Variants in SIPA1L2 observed in about 807,000 individuals in gnomAD.
SIPA1L2 encodes signal-induced proliferation-associated 1-like protein 2.
SIPA1L2 carries 56 observed loss-of-function variants against 163.9 expected under a neutral mutation model. That is an observed-to-expected ratio of 0.34 (90% confidence interval 0.28 to 0.43). The LOEUF (loss-of-function observed/expected upper bound fraction) is 0.43, where lower values mean the gene tolerates loss of function less well. Among genes scored for constraint, SIPA1L2 ranks in the 20% least tolerant of loss-of-function variants. SIPA1L2 has a pLI of 1.00. For missense variants in SIPA1L2, 1,974 were observed against 2,193.5 expected, an observed-to-expected ratio of 0.90 and a Z score of 2.00; for synonymous variants, 877 against 865.7, an observed-to-expected ratio of 1.01 and a Z score of -0.23.
At chr1:232,551,077 A>G (rs1254368797) in intron 2 of SIPA1L2, among the ~76,000 whole-genome samples, 1 of 152,208 alleles carries the variant, frequency 6.6e-6, no homozygotes. Context: ...AGGTGGCCCC[A>G]GACAAACTAC....
At chr1:232,460,793 G>T in intron 10 of SIPA1L2, 94 bp downstream of exon 10, 1 of 1,443,402 alleles carries the variant, frequency 6.9e-7, no homozygotes, top group Non-Finnish European at 9.3e-7. Flanking sequence ...ACACTTGACT[G>T]CATTTTCTGA....
chr1:232,599,267 C>T (rs1245857248), intron 1 of SIPA1L2, among the ~76,000 whole-genome samples: 1 of 152,136 alleles, frequency 6.6e-6, no homozygotes. Context: ...CAAATACCAC[C>T]CACTCTGCCT....
At chr1:232,551,403 G>A (rs1359512371) in intron 2 of SIPA1L2, among the ~76,000 whole-genome samples, 1 of 152,220 alleles carries the variant, frequency 6.6e-6, no homozygotes, top group African/African-American at 2.4e-5. Context: ...TTGGCTGCCA[G>A]CAGATTTACT....
intron 2 of SIPA1L2, among the ~76,000 whole-genome samples, chr1:232,545,189 G>GT: frequency 6.6e-6 from 1 of 152,324 alleles, no homozygotes; most frequent in African/African-American, 2.4e-5. Flanking sequence ...CAGCAATGCC[G>GT]TAAGCGTAAA....
intron 7 of SIPA1L2, among the ~76,000 whole-genome samples, chr1:232,479,326 C>A (rs1042761981): frequency 6.6e-6 from 1 of 152,188 alleles, no homozygotes; most frequent in Admixed American, 6.5e-5. Context: ...GTCAGGTCAA[C>A]ACGGTTGGCC....
In SIPA1L2 at chr1:232,460,940, A is replaced by C. The variant is rs1335510954; in HGVS notation, c.3042T>G (p.Ser1014=). Residue 1014 remains serine (S), a synonymous_variant, in exon 10 of 23, where the codon TCT becomes TCG. Transcript: ENST00000674635. ...GGATGATGACCACCTTCACAGTCAC[A>C]GAAGTACGGAGCAGGTCGATCATCT... ...HEQMIDLLRT[S]VTVKVVIIQP... The C allele has an allele frequency of 6.2e-7, 1 of 1,614,254 alleles. No homozygotes were observed. Among genetic ancestry groups the C allele is most frequent in the East Asian group, 2.2e-5 (1 of 44,882 alleles).
intron 2 of SIPA1L2, among the ~76,000 whole-genome samples, chr1:232,541,352 A>C (rs1657667178): frequency 6.6e-6 from 1 of 152,182 alleles, no homozygotes; most frequent in Non-Finnish European, 1.5e-5. Context: ...TATTTTCAAC[A>C]AGAAAATAGC....
chr1:232,590,282 A>C (rs1185659191), intron 1 of SIPA1L2, among the ~76,000 whole-genome samples: 1 of 152,234 alleles, frequency 6.6e-6, no homozygotes, highest in Non-Finnish European at 1.5e-5. Flanking sequence ...CCCCATAAAA[A>C]TGACTCTTGA....
chr1:232,597,219 G>A (rs7556195), intron 1 of SIPA1L2, among the ~76,000 whole-genome samples: 118,695 of 151,970 alleles, frequency 0.78, 46,435 homozygotes, highest in East Asian at 0.91. Flanking sequence ...AAATTAAAAC[G>A]TGGCATCAAT....
intron 1 of SIPA1L2, among the ~76,000 whole-genome samples, chr1:232,601,089 C>T (rs1378006693): frequency 1.3e-5 from 2 of 152,156 alleles, no homozygotes; most frequent in African/African-American, 2.4e-5. Context: ...AAGGGACCAG[C>T]CAGGGAGGAT....
At chr1:232,494,518 A>G (rs1666081867) in intron 3 of SIPA1L2, among the ~76,000 whole-genome samples, 1 of 152,232 alleles carries the variant, frequency 6.6e-6, no homozygotes, top group African/African-American at 2.4e-5. Context: ...GCCGCTACTT[A>G]TGAAGCAAAT....
At chr1:232,482,163 C>T (rs1338780873) in intron 6 of SIPA1L2, among the ~76,000 whole-genome samples, 1 of 152,202 alleles carries the variant, frequency 6.6e-6, no homozygotes, top group African/African-American at 2.4e-5. Context: ...AATACTACAT[C>T]TGCAATGTAT....
In SIPA1L2 at chr1:232,423,138, G is replaced by A. The variant is rs77337676; in HGVS notation, c.4630+2451C>T. Among the ~76,000 whole-genome samples the A allele has an allele frequency of 1.9e-3, 288 of 152,314 alleles. 1 individual carries two copies. Among genetic ancestry groups the A allele is most frequent in the African/African-American group, 6.6e-3 (276 of 41,564 alleles). ...GGGTAAATAACTGATATTGTATAGT[G>A]TATTGTGTTGCAAGATGATTTTGCC... On this transcript the variant is annotated intron_variant, in intron 18 of 22. Coordinates refer to ENST00000674635, the MANE Select transcript of SIPA1L2 (RefSeq NM_020808.5).
At chr1:232,609,840 A>G (rs977582708) in intron 1 of SIPA1L2, among the ~76,000 whole-genome samples, 1 of 151,796 alleles carries the variant, frequency 6.6e-6, no homozygotes, top group Non-Finnish European at 1.5e-5. Context: ...AAAAAAAAAA[A>G]AAAAAGAAAA....
At chr1:232,500,079 G>A (rs745978086) in intron 3 of SIPA1L2, among the ~76,000 whole-genome samples, 23 of 152,090 alleles carry the variant, frequency 1.5e-4, no homozygotes, top group African/African-American at 2.7e-4. Flanking sequence ...CCGGGCTGAC[G>A]CCATTCTCCT....
chr1:232,629,832 C>T (rs866736943), intron 1 of SIPA1L2, among the ~76,000 whole-genome samples, 37 bp downstream of exon 1: 2 of 151,998 alleles, frequency 1.3e-5, no homozygotes, highest in East Asian at 1.9e-4. Flanking sequence ...CCGAACCGAC[C>T]CTCGCCACGC....
intron 5 of SIPA1L2, among the ~76,000 whole-genome samples, chr1:232,487,729 G>A (rs1181894899): frequency 2.0e-5 from 3 of 151,952 alleles, no homozygotes; most frequent in South Asian, 4.1e-4. Context: ...ATTCTCCACA[G>A]TGTTTGACTC....
intron 19 of SIPA1L2, among the ~76,000 whole-genome samples, chr1:232,408,876 A>G (rs1391125322): frequency 6.6e-6 from 1 of 152,108 alleles, no homozygotes; most frequent in Non-Finnish European, 1.5e-5. Flanking sequence ...AAATACCTTT[A>G]TCTGACCATA....
intron 1 of SIPA1L2, among the ~76,000 whole-genome samples, chr1:232,602,945 T>G (rs1661681936): frequency 6.6e-6 from 1 of 152,232 alleles, no homozygotes; most frequent in Non-Finnish European, 1.5e-5. Context: ...GCTACCATAT[T>G]GAACACACCA....
Sources: gnomAD v4.1 joint callset for allele counts (sites outside exome capture counted in the v4.1 genomes callset) on GRCh38, gnomAD v4.1.1 for gene constraint, MANE v1.5 for transcripts, NCBI Gene and HGNC (gene_info 2026-07-23, HGNC 2026-07-21) for gene names.